IQCK: variants seen among roughly 807,000 people sequenced by gnomAD.
The protein encoded by IQCK is IQ motif containing K.
In IQCK, 29 loss-of-function variants were observed where a neutral mutation model predicts 28.1. The observed-to-expected ratio is 1.03, with a 90% CI of 0.77 to 1.41. IQCK has a LOEUF of 1.41. IQCK is among the 40% of genes most tolerant of loss of function. The pLI is 0.00. For missense variants in IQCK, 359 were observed against 314.7 expected, an observed-to-expected ratio of 1.14 and a Z score of -1.07; for synonymous variants, 113 against 115.1, an observed-to-expected ratio of 0.98 and a Z score of 0.12.
intron 4 of IQCK, among the ~76,000 whole-genome samples, chr16:19,739,754 G>A (rs1429530460): frequency 1.3e-5 from 2 of 152,110 alleles, no homozygotes; most frequent in Non-Finnish European, 2.9e-5. Context: ...AGTTGAGTCT[G>A]CAGTGAACCA....
intron 6 of IQCK, among the ~76,000 whole-genome samples, chr16:19,779,622 T>A (rs2055447123): frequency 6.6e-6 from 1 of 152,150 alleles, no homozygotes; most frequent in Non-Finnish European, 1.5e-5. Context: ...TCACTCTCTC[T>A]TTTTAGATCA....
intron 4 of IQCK, among the ~76,000 whole-genome samples, chr16:19,751,216 A>G (rs998099707): frequency 2.0e-5 from 3 of 152,122 alleles, no homozygotes; most frequent in African/African-American, 4.8e-5. Flanking sequence ...TGCTTGGCCA[A>G]GCACAGTAGT....
At chr16:19,750,245 G>C (rs2054967699) in intron 4 of IQCK, among the ~76,000 whole-genome samples, 1 of 151,746 alleles carries the variant, frequency 6.6e-6, no homozygotes, top group South Asian at 2.1e-4. Flanking sequence ...TCCTGCCTCA[G>C]CCTCCCAAGT....
intron 7 of IQCK, among the ~76,000 whole-genome samples, chr16:19,817,228 T>C (rs2056001223): frequency 6.6e-6 from 1 of 152,174 alleles, no homozygotes; most frequent in African/African-American, 2.4e-5. Context: ...AAGCTCTTAG[T>C]AAGGGAGGCT....
Position 19,799,640 on chromosome 16 carries a change from A to ACCCCC in IQCK, c.690+10721_690+10722insCCCCC, listed in dbSNP as rs1555519987. ...CACACACACACACACACACACACACACCCAGTGAATACATTGAGTCATAAC... is the reference window on the plus strand; with the variant it reads ...CACACACACACACACACACACACACACCCCCCCCAGTGAATACATTGAGTCATAAC... On this transcript the variant is annotated intron_variant, in intron 7 of 7. Transcript: ENST00000564186. 1.8e-5 allele frequency among the ~76,000 whole-genome samples: 2 copies of ACCCCC among 111,800 alleles called. 1 individual carries two copies. Among genetic ancestry groups the ACCCCC allele is most frequent in the African/African-American group, 9.2e-5 (2 of 21,668 alleles). The allele number at this position is 111,800 out of a possible 152,430, so 73.3% of individuals were successfully genotyped here.
At chr16:19,723,720 G>A (rs1977567372) in intron 1 of IQCK, among the ~76,000 whole-genome samples, 1 of 152,090 alleles carries the variant, frequency 6.6e-6, no homozygotes, top group Non-Finnish European at 1.5e-5. Context: ...TTAGGAGACC[G>A]ACGGGGCTGG....
chr16:19,837,588 G>C, intron 9 of IQCK, among the ~76,000 whole-genome samples: 1 of 152,270 alleles, frequency 6.6e-6, no homozygotes, highest in Non-Finnish European at 1.5e-5. Flanking sequence ...AGCCGTGTAT[G>C]GAATTAAATA....
At chr16:19,730,636 C>G in intron 2 of IQCK, 142 bp downstream of exon 2, 1 of 525,236 alleles carries the variant, frequency 1.9e-6, no homozygotes, top group East Asian at 3.2e-5. Flanking sequence ...AACTTGGGGC[C>G]AATCCCAGCT....
chr16:19,769,057 T>C (rs1326675276), intron 6 of IQCK, among the ~76,000 whole-genome samples: 1 of 152,174 alleles, frequency 6.6e-6, no homozygotes, highest in African/African-American at 2.4e-5. Flanking sequence ...GGTTGTTGTT[T>C]GGAGGCCTTA....
chr16:19,724,440 G>A (rs1212592950), intron 1 of IQCK, among the ~76,000 whole-genome samples: 7 of 152,200 alleles, frequency 4.6e-5, no homozygotes, highest in Admixed American at 2.0e-4. Flanking sequence ...TCAAATGTTC[G>A]TCTGATTCAC....
intron 1 of IQCK, among the ~76,000 whole-genome samples, chr16:19,719,177 T>C (rs1888776105): frequency 6.6e-6 from 1 of 152,116 alleles, no homozygotes; most frequent in Non-Finnish European, 1.5e-5. Context: ...TCACAAAAAG[T>C]GCTTAGCAAA....
At position 19,722,739 on chromosome 16, in the gene IQCK, C is replaced by CA. The variant is rs200144115; in HGVS notation, c.181+4253dup. On this transcript the variant is annotated intron_variant, in intron 1 of 7. Coordinates refer to ENST00000564186, the Ensembl canonical transcript of IQCK. ...TTTTTTTTTTTTCCTTCCCTTGAGACAGAGTCTTGCTCTGTTGCCCAGGCT... is the reference window on the plus strand; with the variant it reads ...TTTTTTTTTTTTCCTTCCCTTGAGACAAGAGTCTTGCTCTGTTGCCCAGGCT... Among the ~76,000 whole-genome samples the CA allele has an allele frequency of 4.2e-3, 637 of 151,002 alleles. 6 individuals carry two copies. Among genetic ancestry groups the CA allele is most frequent in the African/African-American group, 0.015 (607 of 41,050 alleles).
At chr16:19,817,511 A>AT (rs1293271318) in intron 7 of IQCK, among the ~76,000 whole-genome samples, 1 of 152,186 alleles carries the variant, frequency 6.6e-6, no homozygotes, top group Non-Finnish European at 1.5e-5. Context: ...TAAGGAAAAG[A>AT]TGAAAGGGTC....
chr16:19,793,643 GTTTTTTTTTTT>G (rs1285541664), intron 7 of IQCK, among the ~76,000 whole-genome samples: 3 of 61,798 alleles, frequency 4.9e-5, no homozygotes, highest in East Asian at 5.5e-4. Flanking sequence ...TCTCAGTTGG[GTTTTTTTTTTT>G]TTTTTTTTTT....
chr16:19,772,478 G>A (rs2151718964), intron 6 of IQCK, among the ~76,000 whole-genome samples: 1 of 152,234 alleles, frequency 6.6e-6, no homozygotes, highest in Non-Finnish European at 1.5e-5. Flanking sequence ...ATATGATGAT[G>A]AGAATACTAA....
At chr16:19,804,489 G>A (rs1370036412) in intron 7 of IQCK, among the ~76,000 whole-genome samples, 6 of 152,024 alleles carry the variant, frequency 3.9e-5, no homozygotes, top group Admixed American at 3.9e-4. Flanking sequence ...CTAGGCTGGA[G>A]TGCAGTGGTG....
chr16:19,771,399 G>A (rs1393493629), intron 6 of IQCK, among the ~76,000 whole-genome samples: 2 of 152,158 alleles, frequency 1.3e-5, no homozygotes, highest in Non-Finnish European at 2.9e-5. Context: ...ACCAGTTTCT[G>A]GGAATTTTGA....
chr16:19,847,062 G>C (rs1446733868), intron 9 of IQCK, among the ~76,000 whole-genome samples: 1 of 152,084 alleles, frequency 6.6e-6, no homozygotes, highest in South Asian at 2.1e-4. Context: ...ACGTTGCTTA[G>C]TATCTCTGAG....
chr16:19,849,275 T>A (rs1597612286), intron 9 of IQCK, among the ~76,000 whole-genome samples: 2 of 151,432 alleles, frequency 1.3e-5, no homozygotes, highest in East Asian at 1.9e-4. Context: ...TTTTTTTTTT[T>A]ATGTATTTGA....
Sources: gnomAD v4.1 joint callset for allele counts (sites outside exome capture counted in the v4.1 genomes callset) on GRCh38, gnomAD v4.1.1 for gene constraint, MANE v1.5 for transcripts, NCBI Gene and HGNC (gene_info 2026-07-23, HGNC 2026-07-21) for gene names.